Variants in CDC42BPA observed in about 807,000 individuals in gnomAD.
CDC42BPA encodes the protein CDC42 binding protein kinase alpha.
Under a neutral mutation model 223.5 loss-of-function variants are expected in CDC42BPA, and 80 were observed. That is an observed-to-expected ratio of 0.36 (90% CI 0.30 to 0.43). CDC42BPA has a LOEUF of 0.43. Ranked by LOEUF, CDC42BPA falls within the 20% of genes least tolerant of loss-of-function variation. CDC42BPA has a pLI of 1.00. For missense variants in CDC42BPA, 1,743 were observed against 2,099.9 expected (o/e 0.83, Z 3.32); for synonymous variants, 694 against 718.6 (o/e 0.97, Z 0.55).
intron 11 of CDC42BPA, among the ~76,000 whole-genome samples, chr1:227,121,424 T>A (rs1474507647): frequency 6.6e-6 from 1 of 152,240 alleles, no homozygotes; most frequent in African/African-American, 2.4e-5. Flanking sequence ...TAGTGTATCA[T>A]GCATTGTATA....
chr1:227,226,380 G>C (rs1676869003), intron 2 of CDC42BPA, among the ~76,000 whole-genome samples: 1 of 152,158 alleles, frequency 6.6e-6, no homozygotes, highest in South Asian at 2.1e-4. Context: ...TCTAGCTCTA[G>C]TATACTAGTT....
At chr1:227,213,407 A>G (rs1480255805) in intron 2 of CDC42BPA, among the ~76,000 whole-genome samples, 188 bp from the exon 3 acceptor site, 1 of 152,204 alleles carries the variant, frequency 6.6e-6, no homozygotes, top group Non-Finnish European at 1.5e-5. Flanking sequence ...TGCCAAACTA[A>G]TAACTGTATT....
intron 6 of CDC42BPA, among the ~76,000 whole-genome samples, chr1:227,157,955 C>CTTTTTTTT (rs59212512): frequency 3.4e-5 from 5 of 144,962 alleles, no homozygotes; most frequent in African/African-American, 5.1e-5. Context: ...ATTTTTATAA[C>CTTTTTTTT]TTTTTTTTTT....
chr1:227,113,433 G>A (rs1193479389), intron 12 of CDC42BPA, among the ~76,000 whole-genome samples: 1 of 152,122 alleles, frequency 6.6e-6, no homozygotes, highest in Non-Finnish European at 1.5e-5. Flanking sequence ...GGAAAGAAGT[G>A]CAATGAAATC....
chr1:227,129,389 T>TA (rs756019758), intron 10 of CDC42BPA, among the ~76,000 whole-genome samples, 158 bp from the exon 11 acceptor site: 58 of 151,890 alleles, frequency 3.8e-4, no homozygotes, highest in Non-Finnish European at 3.7e-4. Context: ...AATTAAGTCA[T>TA]AAAAAATCAG....
At chr1:227,154,368 T>A (rs1231550805) in intron 6 of CDC42BPA, among the ~76,000 whole-genome samples, 1 of 151,984 alleles carries the variant, frequency 6.6e-6, no homozygotes, top group African/African-American at 2.4e-5. Flanking sequence ...CTGAAGGTCA[T>A]TAGACTCCAT....
chr1:227,147,366 T>G lies in CDC42BPA; in HGVS notation c.887A>C (p.Asn296Thr), dbSNP rs779364343. The change falls in exon 7 of 37, where the codon AAC (asparagine) becomes ACC (threonine). Residue 296 changes from asparagine to threonine, a missense_variant. Around this residue, in one of 6 missense-constraint regions of CDC42BPA, gnomAD observed 321 missense variants for 488.7 expected, o/e 0.66. Coordinates refer to ENST00000366766, the MANE Select transcript of CDC42BPA (RefSeq NM_001394014.1). ...AAAGTAAAACATACTAACTTTGTGG[T>G]TCATGATTTTTCCGTATGTCTCCAC... ...SLVETYGKIM[N>T]HKERFQFPAQ... 4.3e-6 allele frequency: 7 copies of G among 1,609,488 alleles called. No homozygotes were observed. The highest frequency in any genetic ancestry group is 5.9e-6 in the Non-Finnish European group (7 of 1,177,724).
intron 21 of CDC42BPA, among the ~76,000 whole-genome samples, chr1:227,055,029 T>C (rs1264066264): frequency 1.3e-5 from 2 of 151,996 alleles, no homozygotes; most frequent in African/African-American, 2.4e-5. Flanking sequence ...TTTATAGTGA[T>C]AGTCATATCT....
At chr1:227,146,456 C>T (rs1170817625) in intron 7 of CDC42BPA, among the ~76,000 whole-genome samples, 2 of 151,934 alleles carry the variant, frequency 1.3e-5, no homozygotes, top group African/African-American at 4.8e-5. Context: ...GAATATAAAC[C>T]CTATAAAACT....
chr1:227,226,290 A>T (rs1349258443), intron 2 of CDC42BPA, among the ~76,000 whole-genome samples: 3 of 152,354 alleles, frequency 2.0e-5, no homozygotes, highest in African/African-American at 7.2e-5. Flanking sequence ...TTTAGGAGAA[A>T]ATAATTGGAA....
intron 3 of CDC42BPA, among the ~76,000 whole-genome samples, chr1:227,201,387 A>G (rs1671729732): frequency 6.6e-6 from 1 of 152,118 alleles, no homozygotes; most frequent in African/African-American, 2.4e-5. Context: ...GGCTCAAGCA[A>G]TCTTCCAGCC....
Position 227,317,003 on chromosome 1 carries a change from AC to A in CDC42BPA, c.178+1del. 6.2e-7 allele frequency: 1 copy of A among 1,609,156 alleles called. No homozygotes were observed. The highest frequency in any genetic ancestry group is 1.7e-4 in the Middle Eastern group (1 of 6,054). ...CAGTTTCTTTAAAAATTACAAACTT[AC>A]CCCATTCTAGGTATTCGAGAATGTT... On this transcript the variant is annotated splice_donor_variant, in intron 1 of 36. Transcript: ENST00000366766. LOFTEE classifies it high-confidence loss of function.
chr1:227,139,536 T>C, intron 10 of CDC42BPA, 40 bp downstream of exon 10: 1 of 1,332,278 alleles, frequency 7.5e-7, no homozygotes, highest in Non-Finnish European at 1.0e-6. Context: ...ACACTGTGAG[T>C]ACAATTCAAA....
rs890615852 is a variant in CDC42BPA, at chr1:227,216,323, A to T, written c.271-3104T>A. Among the ~76,000 whole-genome samples, 3 of 152,316 alleles carry T rather than the reference A, an allele frequency of 2.0e-5. 1 individual carries two copies. Among genetic ancestry groups the T allele is most frequent in the East Asian group, 1.9e-4 (1 of 5,184 alleles). On this transcript the variant is annotated intron_variant, in intron 2 of 36. Transcript: ENST00000366766. ...CCTGGTCATGAAATGACCGCTAATT[A>T]TCAAGGTATTGTGGTATAACTGATC... is the stretch of plus-strand genomic sequence containing the variant.
chr1:227,083,527 G>C (rs1216523562), intron 16 of CDC42BPA, among the ~76,000 whole-genome samples: 2 of 150,830 alleles, frequency 1.3e-5, no homozygotes, highest in East Asian at 4.0e-4. Context: ...CTGACTGCCT[G>C]GTTTTTATTT....
intron 2 of CDC42BPA, among the ~76,000 whole-genome samples, chr1:227,246,208 C>T (rs1188482122): frequency 2.0e-5 from 3 of 152,200 alleles, no homozygotes; most frequent in South Asian, 2.1e-4. Flanking sequence ...CACAGAGAGA[C>T]GCTCCTCCTC....
chr1:227,102,361 A>G (rs1388036483), intron 14 of CDC42BPA, among the ~76,000 whole-genome samples: 2 of 152,174 alleles, frequency 1.3e-5, no homozygotes, highest in South Asian at 2.1e-4. Flanking sequence ...AGGCAGCCTA[A>G]CATGCAAAAG....
intron 1 of CDC42BPA, among the ~76,000 whole-genome samples, chr1:227,304,165 G>A (rs1261041656): frequency 2.6e-5 from 4 of 152,184 alleles, no homozygotes; most frequent in African/African-American, 9.7e-5. Context: ...CTGGCACTTT[G>A]GGAAGCCGAG....
chr1:227,111,185 T>G (rs1686842852), intron 14 of CDC42BPA, among the ~76,000 whole-genome samples: 1 of 152,162 alleles, frequency 6.6e-6, no homozygotes, highest in African/African-American at 2.4e-5. Context: ...AATTAGACAC[T>G]AGACTAAGCA....
Sources: gnomAD v4.1 joint callset for allele counts (sites outside exome capture counted in the v4.1 genomes callset) on GRCh38, gnomAD v4.1.1 for gene constraint, gnomAD v4.1.1 regional missense constraint, MANE v1.5 for transcripts, NCBI Gene and HGNC (gene_info 2026-07-23, HGNC 2026-07-21) for gene names.